STAT2: variants seen among roughly 807,000 people sequenced by gnomAD.
The protein encoded by STAT2 is signal transducer and activator of transcription 2, also known as interferon alpha induced transcriptional activator.
A neutral mutation model predicts 122.3 loss-of-function variants in STAT2; 51 were observed. The ratio of observed to expected loss-of-function variants is 0.42; its 90% CI spans 0.33 to 0.53. The LOEUF (loss-of-function observed/expected upper bound fraction) is 0.53. STAT2 is among the 20% of genes least tolerant of loss of function. The pLI, the probability that STAT2 is intolerant of heterozygous loss-of-function variation, is 0.10. For missense variants in STAT2, 736 were observed against 1,010.3 expected (o/e 0.73, Z 3.68); for synonymous variants, 351 against 394.9 (o/e 0.89, Z 1.32).
At chr12:56,350,246 G>C in intron 12 of STAT2, 56 bp from the exon 13 acceptor site, 2 of 1,435,296 alleles carry the variant, frequency 1.4e-6, no homozygotes, top group Non-Finnish European at 1.9e-6. Context: ...TAAAAACTCA[G>C]CAGAAAAAAA....
intron 1 of STAT2, among the ~76,000 whole-genome samples, chr12:56,359,350 G>A (rs1412056237): frequency 1.3e-5 from 2 of 152,146 alleles, no homozygotes; most frequent in Non-Finnish European, 2.9e-5. Context: ...CCCACAAGAC[G>A]AGAGGATGGC....
At chr12:56,357,620 C>T (rs533802344) in intron 1 of STAT2, among the ~76,000 whole-genome samples, 5 of 152,044 alleles carry the variant, frequency 3.3e-5, no homozygotes, top group Non-Finnish European at 7.4e-5. Context: ...GCTGGGATTA[C>T]AGGCGTGAGC....
intron 1 of STAT2, among the ~76,000 whole-genome samples, chr12:56,358,768 T>G (rs1009649655): frequency 6.6e-6 from 1 of 152,124 alleles, no homozygotes; most frequent in African/African-American, 2.4e-5. Flanking sequence ...TTAAAATTGT[T>G]GCCTGTAATC....
At chr12:56,351,552 CT>C in intron 8 of STAT2, 102 bp from the exon 9 acceptor site, 1 of 1,252,252 alleles carries the variant, frequency 8.0e-7, no homozygotes, top group East Asian at 2.4e-5. Flanking sequence ...CAGAAACTGA[CT>C]GGGGGGAAGA....
rs1245807811 is a variant in STAT2 at position 56,355,689 on chromosome 12, A to G, written c.381+19T>C. The G allele has an allele frequency of 3.7e-6, 6 of 1,611,792 alleles. No homozygotes were observed. The South Asian group carries it at 6.6e-5, about 18-fold the overall frequency. On this transcript the variant is annotated intron_variant, in intron 4 of 23. Transcript: ENST00000314128. ...CTCTACTTCAGGAGTTTCCAACATT[A>G]CCACTGAATTGTCCTCACCAATTGG...
chr12:56,345,290 G>T (rs532985307), intron 22 of STAT2, among the ~76,000 whole-genome samples: 20 of 147,538 alleles, frequency 1.4e-4, no homozygotes, highest in Non-Finnish European at 1.9e-4. Context: ...AGGAGTTCAA[G>T]ACCAGCCTGG....
At chr12:56,343,562 C>T (rs1020264937) in intron 23 of STAT2, 31 bp from the exon 24 acceptor site, 66 of 1,605,334 alleles carry the variant, frequency 4.1e-5, no homozygotes, top group Non-Finnish European at 5.4e-5. Context: ...AGTGAGGCCC[C>T]GATCTTAGTT....
chr12:56,358,085 C>T (rs1879791742), intron 1 of STAT2, among the ~76,000 whole-genome samples: 1 of 152,132 alleles, frequency 6.6e-6, no homozygotes, highest in Non-Finnish European at 1.5e-5. Context: ...TTACTATTTC[C>T]ACAATCTTAT....
chr12:56,342,517 G>A lies in STAT2; in HGVS notation c.*872C>T, dbSNP rs1286037991. Reference sequence around the variant, plus strand: ...AGGTAGGAGGATTGCTTGAACCCAGGAGGTTGAGGCTGCAGTGAGCTGTGA... The same window carrying A: ...AGGTAGGAGGATTGCTTGAACCCAGAAGGTTGAGGCTGCAGTGAGCTGTGA... On this transcript the variant is annotated 3_prime_UTR_variant, in exon 24 of 24. Coordinates refer to ENST00000314128, the MANE Select transcript of STAT2 (RefSeq NM_005419.4). 1 of 152,060 alleles carries A rather than the reference G, an allele frequency of 6.6e-6. No individual in the cohort carries two copies. The highest frequency in any genetic ancestry group is 1.5e-5 in the Non-Finnish European group (1 of 68,078). 9.4% of individuals were successfully genotyped at this position (152,060 alleles called of 1,614,324 possible).
chr12:56,349,243 C>A lies in STAT2; in HGVS notation c.1360G>T (p.Val454Leu). Residue 454 changes from valine (V) to leucine (L), a missense_variant, in exon 16 of 24, where the codon GTG (valine) becomes TTG (leucine). Coordinates refer to ENST00000314128, the MANE Select transcript of STAT2 (RefSeq NM_005419.4). ...QELKTDTLPV[V>L]IISNMNQLSI... Reference sequence around the variant, plus strand: ...AGCTGGTTCATGTTGGAAATAATCACCACAGGGAGGGTGTCCGTCTGGGGA... The same window carrying A: ...AGCTGGTTCATGTTGGAAATAATCAACACAGGGAGGGTGTCCGTCTGGGGA... 6.2e-7 allele frequency: 1 copy of A among 1,614,182 alleles called. No individual in the cohort carries two copies. The highest frequency in any genetic ancestry group is 8.5e-7 in the Non-Finnish European group (1 of 1,180,048).
At position 56,343,954 on chromosome 12, in the gene STAT2, C is replaced by T. The variant is rs764242664; in HGVS notation, c.2284G>A (p.Val762Met). 8 of 1,614,066 alleles carry T rather than the reference C, an allele frequency of 5.0e-6. No individual in the cohort carries two copies. The East Asian group carries it at 1.8e-4, about 36-fold the overall frequency. ...ESVLESTLEP[V>M]IEPTLCMVSQ... ...ACCATGCATAGTGTGGGCTCTATCA[C>T]AGGCTCCAGAGTGGACTCCAGCACA... The change falls in exon 23 of 24, where the codon GTG becomes ATG. Residue 762 changes from valine (V) to methionine (M), a missense_variant. Coordinates refer to ENST00000314128, the MANE Select transcript of STAT2 (RefSeq NM_005419.4).
chr12:56,342,604 C>T lies in STAT2; in HGVS notation c.*785G>A, dbSNP rs1030126955. On this transcript the variant is annotated 3_prime_UTR_variant, in exon 24 of 24. Coordinates refer to ENST00000314128, the MANE Select transcript of STAT2 (RefSeq NM_005419.4). ...GACCCTGTTTAAAAAAAAAAAAATC[C>T]CCAGCAATCCTACCATCCCCAGCCT... The T allele has an allele frequency of 2.0e-5, 3 of 152,368 alleles. No individual in the cohort carries two copies. The highest frequency in any genetic ancestry group is 1.3e-4 in the Admixed American group (2 of 15,230). 9.4% of individuals were successfully genotyped at this position (152,368 alleles called of 1,614,324 possible). A position where few individuals can be genotyped will look rare whatever the true frequency, so the allele number is the denominator to read the frequency against.
At chr12:56,356,803 G>C (rs1879573164) in intron 1 of STAT2, among the ~76,000 whole-genome samples, 1 of 152,102 alleles carries the variant, frequency 6.6e-6, no homozygotes, top group Non-Finnish European at 1.5e-5. Context: ...CTTCCAGGGA[G>C]TGCTACCAGT....
intron 1 of STAT2, among the ~76,000 whole-genome samples, chr12:56,358,542 G>A (rs1190608248): frequency 2.0e-5 from 3 of 152,066 alleles, no homozygotes; most frequent in Admixed American, 6.6e-5. Flanking sequence ...CACCATGCCC[G>A]GCCACCTGAA....
chr12:56,357,278 G>C (rs1248197385), intron 1 of STAT2, among the ~76,000 whole-genome samples: 1 of 151,624 alleles, frequency 6.6e-6, no homozygotes, highest in African/African-American at 2.4e-5. Flanking sequence ...GACCTCAGGT[G>C]ATCCACCTAC....
chr12:56,352,821 G>C (rs928633463), intron 8 of STAT2, among the ~76,000 whole-genome samples: 1 of 151,456 alleles, frequency 6.6e-6, no homozygotes, highest in Non-Finnish European at 1.5e-5. Flanking sequence ...TATGGTATGT[G>C]TACATATATA....
intron 8 of STAT2, among the ~76,000 whole-genome samples, chr12:56,354,005 AAAAAAAAAAAAAT>A (rs1402681216): frequency 1.7e-5 from 1 of 58,096 alleles, no homozygotes; most frequent in African/African-American, 4.2e-5. Context: ...CAAAAAAAAA[AAAAAAAAAAAAAT>A]ATATATATAT....
chr12:56,352,371 T>TTTTGTGG (rs1565655623), intron 8 of STAT2: 2 of 28,464 alleles, frequency 7.0e-5, no homozygotes, highest in Non-Finnish European at 6.8e-5. Context: ...TTTTTTTTTT[T>TTTTGTGG]GGTGGGGGTG....
rs1254577902 is a variant in STAT2, at chr12:56,343,224, T to C, written c.*165A>G. 4.5e-6 allele frequency: 4 copies of C among 887,584 alleles called. No individual in the cohort carries two copies. Among genetic ancestry groups the C allele is most frequent in the Non-Finnish European group, 6.7e-6 (4 of 594,756 alleles). 55.0% of individuals were successfully genotyped at this position (887,584 alleles called of 1,614,324 possible). A position where few individuals can be genotyped will look rare whatever the true frequency, so the allele number is the denominator to read the frequency against. On this transcript the variant is annotated 3_prime_UTR_variant, in exon 24 of 24. Transcript: ENST00000314128. ...CATTGTTGTCCCCTCTGTACCCATG[T>C]TATGCTTTCACCTCTCACCCCAATG... is the stretch of plus-strand genomic sequence containing the variant.
Sources: gnomAD v4.1 joint callset for allele counts (sites outside exome capture counted in the v4.1 genomes callset) on GRCh38, gnomAD v4.1.1 for gene constraint, MANE v1.5 for transcripts, NCBI Gene and HGNC (gene_info 2026-07-23, HGNC 2026-07-21) for gene names.